The following PRKN variants were observed in gnomAD, a reference collection of about 807,000 sequenced individuals.
PRKN encodes parkin RBR E3 ubiquitin protein ligase, also known as E3 ubiquitin-protein ligase parkin.
In PRKN, 56 loss-of-function variants were observed where a neutral mutation model predicts 59.5. The ratio of observed to expected loss-of-function variants is 0.94; its 90% CI spans 0.76 to 1.18. PRKN has a LOEUF of 1.18. PRKN is among the 50% of genes most tolerant of loss of function. The pLI, the probability that PRKN is intolerant of heterozygous loss-of-function variation, is 0.00. For synonymous variants in PRKN, 250 were observed against 222.1 expected, an observed-to-expected ratio of 1.13 and a Z score of -1.12; for missense variants, 657 against 596.4, an observed-to-expected ratio of 1.10 and a Z score of -1.06.
intron 1 of PRKN, among the ~76,000 whole-genome samples, chr6:162,691,492 T>A (rs916196787): frequency 6.6e-6 from 1 of 152,132 alleles, no homozygotes; most frequent in African/African-American, 2.4e-5. Flanking sequence ...TAGTCAATAT[T>A]TATATGTACC....
At chr6:162,310,044 A>T (rs1782421654) in intron 2 of PRKN, among the ~76,000 whole-genome samples, 1 of 152,122 alleles carries the variant, frequency 6.6e-6, no homozygotes, top group South Asian at 2.1e-4. Flanking sequence ...ACATGATCTC[A>T]TTCTTTTTTA....
chr6:162,399,261 C>T (rs2128148691), intron 2 of PRKN, among the ~76,000 whole-genome samples: 1 of 152,242 alleles, frequency 6.6e-6, no homozygotes, highest in Middle Eastern at 3.4e-3. Context: ...GAGGGGAACA[C>T]TGAGGGGTCA....
intron 4 of PRKN, among the ~76,000 whole-genome samples, chr6:162,168,556 C>CA (rs771060815): frequency 0.41 from 19,332 of 47,258 alleles, 5,204 homozygotes; most frequent in Non-Finnish European, 0.5. Flanking sequence ...ATCTGTTTTA[C>CA]AAAAAAAAAA....
intron 1 of PRKN, among the ~76,000 whole-genome samples, chr6:162,498,382 TTC>T (rs56817548): frequency 0.063 from 8,545 of 136,368 alleles, 1,173 homozygotes; most frequent in Non-Finnish European, 0.085. Context: ...ATCATTTTTT[TTC>T]TTTCTTTCCT....
At chr6:161,771,904 T>C (rs1416032119) in intron 7 of PRKN, among the ~76,000 whole-genome samples, 1 of 152,200 alleles carries the variant, frequency 6.6e-6, no homozygotes, top group African/African-American at 2.4e-5. Context: ...CATTATTAAT[T>C]ATTTCAAAGA....
chr6:161,750,136 C>A (rs1018019118), intron 7 of PRKN, among the ~76,000 whole-genome samples: 1 of 139,814 alleles, frequency 7.2e-6, no homozygotes, highest in Non-Finnish European at 1.5e-5. Flanking sequence ...CACACACACA[C>A]ACACACATAT....
chr6:162,245,348 A>G (rs996914239), intron 3 of PRKN, among the ~76,000 whole-genome samples: 2 of 152,076 alleles, frequency 1.3e-5, no homozygotes, highest in African/African-American at 4.8e-5. Flanking sequence ...TTATGCTAAC[A>G]TCTCTTTATT....
intron 2 of PRKN, among the ~76,000 whole-genome samples, chr6:162,285,757 C>T (rs1448587402): frequency 1.3e-5 from 2 of 152,112 alleles, no homozygotes; most frequent in Admixed American, 6.6e-5. Context: ...AATTCCTTAA[C>T]ATTTAGGGTT....
At chr6:162,382,070 T>C (rs1786520542) in intron 2 of PRKN, among the ~76,000 whole-genome samples, 1 of 152,194 alleles carries the variant, frequency 6.6e-6, no homozygotes, top group South Asian at 2.1e-4. Context: ...TTTGCTGGCA[T>C]TTACTTTTTG....
chr6:162,269,936 A>G (rs1583293901), intron 2 of PRKN: 1 of 152,200 alleles, frequency 6.6e-6, no homozygotes, highest in South Asian at 2.1e-4. Flanking sequence ...GTAAACCAGT[A>G]CAGCCACTAC....
chr6:161,790,601 G>A (rs1042810608), intron 6 of PRKN, among the ~76,000 whole-genome samples: 21 of 152,250 alleles, frequency 1.4e-4, no homozygotes, highest in East Asian at 5.8e-4. Flanking sequence ...TCCCACACAC[G>A]TTCCACCATA....
chr6:161,780,273 A>G (rs1221595877), intron 7 of PRKN, among the ~76,000 whole-genome samples: 1 of 152,212 alleles, frequency 6.6e-6, no homozygotes, highest in Non-Finnish European at 1.5e-5. Flanking sequence ...AGGATTTGTG[A>G]AAAATGGTTC....
chr6:162,625,774 T>C (rs1782861281), intron 1 of PRKN, among the ~76,000 whole-genome samples: 1 of 152,134 alleles, frequency 6.6e-6, no homozygotes, highest in Non-Finnish European at 1.5e-5. Context: ...ATTTATCTAG[T>C]TGCAAAAACC....
chr6:162,488,721 A>G (rs977926674), intron 1 of PRKN, among the ~76,000 whole-genome samples: 4 of 152,196 alleles, frequency 2.6e-5, no homozygotes, highest in African/African-American at 4.8e-5. Flanking sequence ...GAGCAGGCCC[A>G]CATGGTGTTG....
At chr6:161,883,478 C>T (rs572558560) in intron 6 of PRKN, among the ~76,000 whole-genome samples, 17 of 141,502 alleles carry the variant, frequency 1.2e-4, no homozygotes, top group African/African-American at 4.5e-4. Context: ...CAGAGCAAGA[C>T]TCTGACAAAG....
chr6:162,306,843 G>A (rs1782251262), intron 2 of PRKN, among the ~76,000 whole-genome samples: 1 of 152,160 alleles, frequency 6.6e-6, no homozygotes, highest in Admixed American at 6.5e-5. Flanking sequence ...CAGGCACGCT[G>A]CCAATGCTGA....
chr6:162,187,814 C>CAGTA (rs1562567617), intron 4 of PRKN, among the ~76,000 whole-genome samples: 1 of 152,132 alleles, frequency 6.6e-6, no homozygotes, highest in East Asian at 1.9e-4. Flanking sequence ...AAAGAATCCT[C>CAGTA]AGTAAAAGGA....
intron 1 of PRKN, among the ~76,000 whole-genome samples, chr6:162,475,830 C>A (rs1256880774): frequency 6.6e-6 from 1 of 152,266 alleles, no homozygotes; most frequent in Non-Finnish European, 1.5e-5. Flanking sequence ...CAGCTCACTG[C>A]AACCTCCGCC....
At chr6:161,830,093 G>A (rs1348242985) in intron 6 of PRKN, among the ~76,000 whole-genome samples, 2 of 152,032 alleles carry the variant, frequency 1.3e-5, no homozygotes, top group African/African-American at 4.8e-5. Context: ...TGTCCCACTT[G>A]TAGGGCGAGG....
Sources: allele counts gnomAD v4.1 joint callset (sites outside exome capture counted in the v4.1 genomes callset), GRCh38; gene constraint gnomAD v4.1.1; transcripts MANE v1.5; gene names NCBI Gene and HGNC (gene_info 2026-07-23, HGNC 2026-07-21).